Variants in ACACA observed in about 807,000 individuals in gnomAD.
ACACA encodes the protein acetyl-CoA carboxylase 1.
ACACA carries 103 observed loss-of-function variants against 296.1 expected under a neutral mutation model. The observed-to-expected ratio is 0.35, with a 90% CI of 0.30 to 0.41. The LOEUF is 0.41. Ranked by LOEUF, ACACA falls within the 10% of genes least tolerant of loss-of-function variation. The pLI, the probability that ACACA is intolerant of heterozygous loss-of-function variation, is 1.00. For synonymous variants in ACACA, 953 were observed against 1,038.6 expected, an observed-to-expected ratio of 0.92 and a Z score of 1.58; for missense variants, 1,554 against 2,989.7, an observed-to-expected ratio of 0.52 and a Z score of 11.20.
intron 47 of ACACA, among the ~76,000 whole-genome samples, chr17:37,127,681 T>A (rs970173885): frequency 2.6e-5 from 4 of 151,870 alleles, no homozygotes; most frequent in African/African-American, 9.7e-5. Flanking sequence ...CCGTCTCTAC[T>A]AAAATTACAA....
intron 35 of ACACA, among the ~76,000 whole-genome samples, chr17:37,198,154 A>G (rs2078087708): frequency 6.6e-6 from 1 of 152,216 alleles, no homozygotes; most frequent in South Asian, 2.1e-4. Context: ...AGATTCAGAG[A>G]TAAGAAAGGG....
At chr17:37,210,555 A>G (rs1189487111) in intron 29 of ACACA, 65 bp from the exon 30 acceptor site, 4 of 1,501,334 alleles carry the variant, frequency 2.7e-6, no homozygotes, top group African/African-American at 1.4e-5. Context: ...AAGAATTGTC[A>G]GAGCAGATAT....
Position 37,200,150 on chromosome 17 carries a change from G to A in ACACA, c.4147C>T (p.Arg1383Trp), listed in dbSNP as rs928979250. Residue 1383 changes from arginine to tryptophan, a missense_variant, in exon 35 of 56, where the codon CGG (arginine) becomes TGG (tryptophan). Transcript: ENST00000616317. ...TTCATTTTACTTACATGAAATCTCC[G>A]ATCCACCTCATAGTTGACCTGCTTT... ...FRKQVNYEVD[R>W]RFHREFPKFF... The A allele has an allele frequency of 5.0e-6, 8 of 1,604,266 alleles. No homozygotes were observed. Among genetic ancestry groups the A allele is most frequent in the African/African-American group, 1.3e-5 (1 of 74,614 alleles).
At chr17:37,366,394 T>C (rs1435246437) in intron 1 of ACACA, among the ~76,000 whole-genome samples, 1 of 152,142 alleles carries the variant, frequency 6.6e-6, no homozygotes, top group African/African-American at 2.4e-5. Context: ...TTCAATTTCT[T>C]TTTATCCTTT....
At chr17:37,253,787 CTTATT>C (rs548834281) in intron 14 of ACACA, among the ~76,000 whole-genome samples, 86 of 152,184 alleles carry the variant, frequency 5.7e-4, no homozygotes, top group African/African-American at 2.0e-3. Flanking sequence ...ATAAAATATA[CTTATT>C]TTAAGTATAC....
chr17:37,159,239 T>A (rs2076371249), intron 42 of ACACA, among the ~76,000 whole-genome samples: 1 of 152,018 alleles, frequency 6.6e-6, no homozygotes, highest in African/African-American at 2.4e-5. Flanking sequence ...TTTTAAAGTT[T>A]TTTTTTAGTC....
chr17:37,401,096 C>A (rs2051269224), intron 1 of ACACA, among the ~76,000 whole-genome samples: 1 of 151,992 alleles, frequency 6.6e-6, no homozygotes, highest in Admixed American at 6.6e-5. Context: ...GAGGTGATAT[C>A]TCATGGTAGT....
intron 37 of ACACA, 128 bp downstream of exon 37, chr17:37,191,962 C>T: frequency 4.1e-6 from 4 of 969,942 alleles, no homozygotes; most frequent in Non-Finnish European, 6.2e-6. Context: ...AACCTTGATT[C>T]AAAAAATGAA....
intron 3 of ACACA, among the ~76,000 whole-genome samples, chr17:37,318,073 T>C (rs556001143): frequency 6.6e-6 from 1 of 152,084 alleles, no homozygotes; most frequent in Non-Finnish European, 1.5e-5. Flanking sequence ...GAAAGCTAAA[T>C]GAGAAATGCT....
At chr17:37,287,476 A>G (rs747925524) in intron 3 of ACACA, among the ~76,000 whole-genome samples, 10 of 151,866 alleles carry the variant, frequency 6.6e-5, no homozygotes, top group Admixed American at 2.0e-4. Context: ...TCACACCTGT[A>G]ATCCCAGCAC....
rs1053008284 is a variant in ACACA, at chr17:37,276,159, C to G, written c.803-110G>C. The G allele has an allele frequency of 5.1e-6, 4 of 784,496 alleles. No homozygotes were observed. The Admixed American group carries it at 5.7e-5, about 11-fold the overall frequency. 48.6% of individuals were successfully genotyped at this position (784,496 alleles called of 1,614,324 possible). ...TTATGTATTTGTCTTGTCCTCCCCC[C>G]ACCCCTCACATATCAAGGAGATCAT... On this transcript the variant is annotated intron_variant, in intron 7 of 55. Coordinates refer to ENST00000616317, the MANE Select transcript of ACACA (RefSeq NM_198834.3).
intron 52 of ACACA, among the ~76,000 whole-genome samples, chr17:37,110,616 C>T (rs1337664832): frequency 6.6e-5 from 10 of 152,102 alleles, no homozygotes; most frequent in Admixed American, 1.3e-4. Context: ...TGTAGGCAAA[C>T]GGGATTTTTC....
At chr17:37,279,703 C>G (rs1186037713) in intron 5 of ACACA, among the ~76,000 whole-genome samples, 1 of 150,390 alleles carries the variant, frequency 6.6e-6, no homozygotes, top group African/African-American at 2.5e-5. Flanking sequence ...CCCAGCCACT[C>G]GGGAGGCTGA....
intron 45 of ACACA, among the ~76,000 whole-genome samples, chr17:37,134,111 C>A (rs2075229753): frequency 6.6e-6 from 1 of 152,174 alleles, no homozygotes; most frequent in Non-Finnish European, 1.5e-5. Context: ...TGCTACGTAG[C>A]CTTTAGAAAT....
intron 3 of ACACA, among the ~76,000 whole-genome samples, chr17:37,329,247 T>A (rs770754604): frequency 6.6e-6 from 1 of 152,182 alleles, no homozygotes. Flanking sequence ...AGAAGTCCTA[T>A]CAATCATCAA....
At chr17:37,200,035 G>T in intron 35 of ACACA, 104 bp downstream of exon 35, 1 of 821,564 alleles carries the variant, frequency 1.2e-6, no homozygotes, top group Non-Finnish European at 2.0e-6. Flanking sequence ...AAAGAAGAAG[G>T]ATCAAATATC....
intron 44 of ACACA, among the ~76,000 whole-genome samples, chr17:37,150,763 G>A (rs552377884): frequency 6.6e-6 from 1 of 151,930 alleles, no homozygotes; most frequent in East Asian, 1.9e-4. Context: ...TTAAAAAAAA[G>A]GAAAGAGGGG....
chr17:37,388,827 T>G, intron 1 of ACACA: 1 of 1,610,076 alleles, frequency 6.2e-7, no homozygotes, highest in Non-Finnish European at 8.5e-7. Context: ...TCCTTGAACT[T>G]GACCCATAAA....
chr17:37,227,851 C>T (rs766508215), intron 25 of ACACA, among the ~76,000 whole-genome samples: 4 of 134,386 alleles, frequency 3.0e-5, no homozygotes, highest in Admixed American at 7.7e-5. Context: ...CAGAGCGAGA[C>T]TCTGTCTCAA....
Sources: gnomAD v4.1 joint callset for allele counts (sites outside exome capture counted in the v4.1 genomes callset) on GRCh38, gnomAD v4.1.1 for gene constraint, MANE v1.5 for transcripts, NCBI Gene and HGNC (gene_info 2026-07-23, HGNC 2026-07-21) for gene names.